The following KAZN variants were observed in gnomAD, a reference collection of about 807,000 sequenced individuals.
KAZN encodes the protein kazrin.
KAZN carries 40 observed loss-of-function variants against 87.4 expected under a neutral mutation model. That is an observed-to-expected ratio of 0.46 (90% CI 0.36 to 0.60). KAZN has a LOEUF of 0.60. KAZN is among the 20% of genes least tolerant of loss of function. The pLI, the probability that KAZN is intolerant of heterozygous loss-of-function variation, is 0.00. For missense variants in KAZN, 898 were observed against 1,073.9 expected (o/e 0.84, Z 2.29); for synonymous variants, 466 against 458.3 (o/e 1.02, Z -0.22).
intron 1 of KAZN, among the ~76,000 whole-genome samples, chr1:14,604,958 G>A (rs746608435): frequency 5.6e-4 from 85 of 152,290 alleles, no homozygotes; most frequent in Non-Finnish European, 8.5e-4. Flanking sequence ...CACAGCAAGC[G>A]CTATGTTACC....
intron 2 of KAZN, among the ~76,000 whole-genome samples, chr1:14,256,899 G>A (rs569336487): frequency 3.9e-5 from 6 of 152,110 alleles, no homozygotes; most frequent in Non-Finnish European, 7.4e-5. Context: ...TCGATGATGC[G>A]TTCTATTTCT....
chr1:14,046,301 A>G (rs1642070793), intron 1 of KAZN, among the ~76,000 whole-genome samples: 1 of 152,210 alleles, frequency 6.6e-6, no homozygotes, highest in Non-Finnish European at 1.5e-5. Context: ...GGAGCCAAAA[A>G]TAGGAAAAAT....
At chr1:15,103,863 C>G (rs145830650) in intron 12 of KAZN, among the ~76,000 whole-genome samples, 160 bp from the exon 13 acceptor site, 4 of 152,158 alleles carry the variant, frequency 2.6e-5, no homozygotes, top group Non-Finnish European at 5.9e-5. Context: ...CCTCGTGGCT[C>G]TAAAAAATTG....
At chr1:14,007,915 A>G (rs982224533) in intron 1 of KAZN, among the ~76,000 whole-genome samples, 3 of 152,148 alleles carry the variant, frequency 2.0e-5, no homozygotes, top group African/African-American at 4.8e-5. Context: ...TTCTACCCAC[A>G]ATGATCCCTG....
intron 2 of KAZN, among the ~76,000 whole-genome samples, chr1:14,244,044 TA>T (rs1357634232): frequency 1.3e-5 from 2 of 152,196 alleles, no homozygotes; most frequent in Admixed American, 6.5e-5. Context: ...ATAGATAAAG[TA>T]ATAGAAACAA....
At chr1:14,831,859 G>T (rs1647057710) in intron 1 of KAZN, among the ~76,000 whole-genome samples, 1 of 152,020 alleles carries the variant, frequency 6.6e-6, no homozygotes, top group Non-Finnish European at 1.5e-5. Flanking sequence ...AGGACTCTGG[G>T]TTGCGAGTGA....
At chr1:15,027,775 T>G (rs1671322617) in intron 2 of KAZN, among the ~76,000 whole-genome samples, 1 of 152,210 alleles carries the variant, frequency 6.6e-6, no homozygotes. Context: ...AGGCTGGAAA[T>G]TTTTACAAGA....
chr1:14,321,634 T>C (rs991870228), intron 2 of KAZN, among the ~76,000 whole-genome samples: 3 of 152,192 alleles, frequency 2.0e-5, no homozygotes, highest in African/African-American at 4.8e-5. Flanking sequence ...AAAATGATCA[T>C]TGTGTACTAT....
intron 1 of KAZN, among the ~76,000 whole-genome samples, chr1:14,883,751 G>T (rs1264608893): frequency 6.6e-6 from 1 of 152,154 alleles, no homozygotes; most frequent in Non-Finnish European, 1.5e-5. Context: ...CAGACAGGGG[G>T]CCTACCTTTG....
rs1643868631 is a variant in KAZN, at chr1:14,735,302, CG to C, written c.226+136080del. 6.6e-6 allele frequency among the ~76,000 whole-genome samples: 1 copy of C among 152,160 alleles called. No homozygotes were observed. The highest frequency in any genetic ancestry group is 1.5e-5 in the Non-Finnish European group (1 of 68,016). ...GTCTCGATCTCCTGACCTCGTGATC[CG>C]CCCGCCTCGGCCTCCCAAAGTGCTG... On this transcript the variant is annotated intron_variant, in intron 1 of 14. Transcript: ENST00000376030. The surrounding 1 kb of genome is among the most constrained non-coding windows in gnomAD (Gnocchi z 4.3).
Position 14,547,232 on chromosome 1 carries a change from A to G in KAZN, c.250-51751A>G, listed in dbSNP as rs780119870. Among the ~76,000 whole-genome samples, 12 of 152,184 alleles carry G rather than the reference A, an allele frequency of 7.9e-5. 1 individual carries two copies. The highest frequency in any genetic ancestry group is 1.2e-4 in the African/African-American group (5 of 41,452). On this transcript the variant is annotated intron_variant, in intron 2 of 16. Coordinates refer to the KAZN transcript ENST00000636203. ...TCTCAATGCAAGCTACCTTTGGCCT[A>G]TGTCCTGCCTATATTTGGAATACCA...
intron 1 of KAZN, among the ~76,000 whole-genome samples, chr1:14,778,393 G>T (rs202096856): frequency 1.5e-5 from 2 of 136,410 alleles, no homozygotes; most frequent in Non-Finnish European, 1.6e-5. Context: ...TAACCCTTAA[G>T]AAAAAAAAAA....
rs544815473 is a variant in KAZN, at chr1:14,878,531, T to G, written c.227-82153T>G. 3.3e-4 allele frequency among the ~76,000 whole-genome samples: 50 copies of G among 152,300 alleles called. No individual in the cohort carries two copies. In the South Asian group the frequency reaches 7.3e-3, roughly 22 times the overall value. Reference sequence around the variant, plus strand: ...TCTTCTGGGCCTCAGTTTCCCCATCTGTCAAATGAATGGCTTAGCCCAGAA... The same window carrying G: ...TCTTCTGGGCCTCAGTTTCCCCATCGGTCAAATGAATGGCTTAGCCCAGAA... On this transcript the variant is annotated intron_variant, in intron 1 of 14. Coordinates refer to ENST00000376030, the MANE Select transcript of KAZN (RefSeq NM_201628.3).
chr1:14,111,391 A>G lies in KAZN; in HGVS notation c.92-69044A>G, dbSNP rs553812251. ...AACAGTAAGACTTTGGAGGTTGCAC[A>G]TTGGAAAAGTGAAGGAACTACTGAT... On this transcript the variant is annotated intron_variant, in intron 1 of 16. Coordinates refer to the KAZN transcript ENST00000636203. Among the ~76,000 whole-genome samples the G allele has an allele frequency of 2.8e-4, 38 of 133,888 alleles. 6 individuals are homozygous for G. The highest frequency in any genetic ancestry group is 5.6e-4 in the Non-Finnish European group (35 of 62,086). The allele number at this position is 133,888 out of a possible 152,430, so 87.8% of individuals were successfully genotyped here.
intron 1 of KAZN, among the ~76,000 whole-genome samples, chr1:14,881,674 A>G (rs1316656955): frequency 1.3e-5 from 2 of 152,226 alleles, no homozygotes; most frequent in Non-Finnish European, 2.9e-5. Context: ...GGGTTCAGGT[A>G]CAGGTTCTGG....
chr1:15,068,891 A>T (rs1639385220), intron 8 of KAZN, among the ~76,000 whole-genome samples: 1 of 152,154 alleles, frequency 6.6e-6, no homozygotes, highest in African/African-American at 2.4e-5. Context: ...TAATACAGAC[A>T]CGATGCCGAG....
At chr1:13,968,849 T>C (rs1642036170) in intron 1 of KAZN, among the ~76,000 whole-genome samples, 1 of 152,188 alleles carries the variant, frequency 6.6e-6, no homozygotes, top group African/African-American at 2.4e-5. Context: ...TCCAGTCTCA[T>C]GTCTTTAAAT....
chr1:14,410,731 G>A (rs1209020061), intron 2 of KAZN, among the ~76,000 whole-genome samples: 1 of 152,208 alleles, frequency 6.6e-6, no homozygotes, highest in Non-Finnish European at 1.5e-5. Flanking sequence ...AGGGCAATGT[G>A]AAAGAGAACC....
At chr1:14,592,697 C>A (rs894422677) in intron 2 of KAZN, among the ~76,000 whole-genome samples, 1 of 152,220 alleles carries the variant, frequency 6.6e-6, no homozygotes, top group African/African-American at 2.4e-5. Context: ...ATTCGTGGCT[C>A]TCTCTCTGGC....
Sources: gnomAD v4.1 joint callset for allele counts (sites outside exome capture counted in the v4.1 genomes callset) on GRCh38, gnomAD v4.1.1 for gene constraint, Gnocchi (gnomAD v3.1) non-coding constraint, MANE v1.5 for transcripts, NCBI Gene and HGNC (gene_info 2026-07-23, HGNC 2026-07-21) for gene names.